AFAP1: variants seen among roughly 807,000 people sequenced by gnomAD.
AFAP1 encodes actin filament-associated protein 1.
A neutral mutation model predicts 93.9 loss-of-function variants in AFAP1; 75 were observed. The observed-to-expected ratio is 0.80, with a 90% CI of 0.66 to 0.97. AFAP1 has a LOEUF of 0.97. Among genes scored for constraint, AFAP1 ranks in the 50% least tolerant of loss-of-function variants. The pLI, the probability that AFAP1 is intolerant of heterozygous loss-of-function variation, is 0.00. For missense variants in AFAP1, 1,201 were observed against 1,050.8 expected, an observed-to-expected ratio of 1.14 and a Z score of -1.98; for synonymous variants, 517 against 430.7, an observed-to-expected ratio of 1.20 and a Z score of -2.48.
At chr4:7,860,356 C>T (rs1050615980) in intron 3 of AFAP1, among the ~76,000 whole-genome samples, 1 of 151,900 alleles carries the variant, frequency 6.6e-6, no homozygotes, top group East Asian at 1.9e-4. Flanking sequence ...ATCCAAAAAT[C>T]CAAAATCTAG....
chr4:7,892,661 G>A (rs970077311), intron 1 of AFAP1, among the ~76,000 whole-genome samples: 2 of 152,182 alleles, frequency 1.3e-5, no homozygotes, highest in Non-Finnish European at 2.9e-5. Context: ...GGTGGGTAGA[G>A]TGGAGACAGC....
intron 14 of AFAP1, chr4:7,778,389 G>A (rs1716375693): frequency 6.1e-6 from 2 of 326,214 alleles, no homozygotes. Flanking sequence ...GACAGATAAA[G>A]ATGCTGAGTT....
chr4:7,840,162 G>T (rs934018428), intron 5 of AFAP1, among the ~76,000 whole-genome samples: 1 of 152,172 alleles, frequency 6.6e-6, no homozygotes, highest in Non-Finnish European at 1.5e-5. Context: ...CACGTGCAGA[G>T]CCTGCATCTT....
chr4:7,774,617 C>T (rs1577187941), intron 15 of AFAP1, 122 bp downstream of exon 15: 16 of 1,369,156 alleles, frequency 1.2e-5, no homozygotes, highest in Non-Finnish European at 1.6e-5. Flanking sequence ...TGTGAGATAA[C>T]CCACTCTTAC....
chr4:7,903,245 G>T (rs1298258424), intron 1 of AFAP1, among the ~76,000 whole-genome samples: 6 of 152,186 alleles, frequency 3.9e-5, no homozygotes, highest in Non-Finnish European at 8.8e-5. Context: ...ATATAACAGG[G>T]AACATATATT....
intron 8 of AFAP1, among the ~76,000 whole-genome samples, chr4:7,815,267 T>TCA (rs36042765): frequency 0.17 from 25,360 of 151,646 alleles, 2,177 homozygotes; most frequent in Middle Eastern, 0.22. Flanking sequence ...GAATGGGGAG[T>TCA]CAGTGTTTAA....
At chr4:7,821,508 A>G (rs1720971986) in intron 6 of AFAP1, among the ~76,000 whole-genome samples, 1 of 152,202 alleles carries the variant, frequency 6.6e-6, no homozygotes, top group South Asian at 2.1e-4. Flanking sequence ...TACTGAGCTC[A>G]TCAGCAACCA....
At chr4:7,936,197 T>C (rs559156995) in intron 1 of AFAP1, among the ~76,000 whole-genome samples, 17 of 152,302 alleles carry the variant, frequency 1.1e-4, no homozygotes, top group African/African-American at 3.6e-4. Flanking sequence ...TAACTAGGAA[T>C]AGCAGAGAAA....
At chr4:7,935,545 C>T (rs904876856) in intron 1 of AFAP1, among the ~76,000 whole-genome samples, 1 of 152,178 alleles carries the variant, frequency 6.6e-6, no homozygotes, top group Non-Finnish European at 1.5e-5. Context: ...ACAGCAAAGA[C>T]TTGAGACTTA....
intron 4 of AFAP1, among the ~76,000 whole-genome samples, chr4:7,848,653 G>A (rs1254666537): frequency 6.6e-6 from 1 of 151,882 alleles, no homozygotes; most frequent in Non-Finnish European, 1.5e-5. Flanking sequence ...GGTCTTCCCC[G>A]TGTGGACCAC....
chr4:7,773,187 T>C, intron 15 of AFAP1, 177 bp from the exon 16 acceptor site: 2 of 966,634 alleles, frequency 2.1e-6, no homozygotes, highest in Non-Finnish European at 3.0e-6. Context: ...AGAGTCCTTC[T>C]CCTACCATTT....
chr4:7,777,622 C>A (rs1236477070), intron 14 of AFAP1: 1 of 152,220 alleles, frequency 6.6e-6, no homozygotes, highest in African/African-American at 2.4e-5. Context: ...TTCGTTAGCA[C>A]TGAGACTGGT....
chr4:7,801,718 C>G (rs1391582623), intron 9 of AFAP1, among the ~76,000 whole-genome samples: 1 of 150,858 alleles, frequency 6.6e-6, no homozygotes, highest in East Asian at 1.9e-4. Context: ...ACACATACCC[C>G]TGCCTCAAAA....
At chr4:7,769,613 G>A (rs979588031) in intron 16 of AFAP1, among the ~76,000 whole-genome samples, 7 of 151,582 alleles carry the variant, frequency 4.6e-5, no homozygotes, top group East Asian at 1.9e-4. Context: ...CCCATTGCTG[G>A]CTCTTCCATA....
chr4:7,895,029 T>C (rs1344182607), intron 1 of AFAP1, among the ~76,000 whole-genome samples: 2 of 152,220 alleles, frequency 1.3e-5, no homozygotes, highest in African/African-American at 4.8e-5. Context: ...AGTGTGCTAA[T>C]GGAAGCAAAT....
intron 1 of AFAP1, among the ~76,000 whole-genome samples, chr4:7,875,922 TG>T (rs1717475279): frequency 6.6e-6 from 1 of 152,066 alleles, no homozygotes; most frequent in South Asian, 2.1e-4. Flanking sequence ...TAGGGGCTAG[TG>T]GTGGGGAGAA....
At chr4:7,833,057 A>G (rs976531414) in intron 6 of AFAP1, among the ~76,000 whole-genome samples, 1 of 152,236 alleles carries the variant, frequency 6.6e-6, no homozygotes, top group Non-Finnish European at 1.5e-5. Context: ...ATTCTAGAAG[A>G]TAACATCAGA....
chr4:7,769,400 A>G (rs1715089989), intron 16 of AFAP1, among the ~76,000 whole-genome samples: 1 of 152,162 alleles, frequency 6.6e-6, no homozygotes, highest in Non-Finnish European at 1.5e-5. Context: ...CGCCCTAGAG[A>G]TGCTCAGGTA....
At chr4:7,899,654 T>G (rs1719000403) in intron 1 of AFAP1, among the ~76,000 whole-genome samples, 2 of 152,118 alleles carry the variant, frequency 1.3e-5, no homozygotes, top group Non-Finnish European at 2.9e-5. Context: ...TAAAGGAGAT[T>G]CTGAAAACCC....
Sources: allele counts gnomAD v4.1 joint callset (sites outside exome capture counted in the v4.1 genomes callset), GRCh38; gene constraint gnomAD v4.1.1; transcripts MANE v1.5; gene names NCBI Gene and HGNC (gene_info 2026-07-23, HGNC 2026-07-21).